Variants in PDCD6IP observed in about 807,000 individuals in gnomAD.
PDCD6IP encodes the protein programmed cell death 6 interacting protein.
In PDCD6IP, 43 loss-of-function variants were observed where a neutral mutation model predicts 103.7. The observed-to-expected ratio is 0.41, with a 90% CI of 0.32 to 0.53. The LOEUF (loss-of-function observed/expected upper bound fraction) is 0.53, where lower values mean the gene tolerates loss of function less well. Among genes scored for constraint, PDCD6IP ranks in the 20% least tolerant of loss-of-function variants. The probability of loss-of-function intolerance (pLI) is 0.16; values close to 1 mark genes in which losing one functional copy is unlikely to be tolerated. For missense variants in PDCD6IP, 871 were observed against 1,036.7 expected, an observed-to-expected ratio of 0.84 and a Z score of 2.20; for synonymous variants, 354 against 378.7, an observed-to-expected ratio of 0.93 and a Z score of 0.76.
intron 5 of PDCD6IP, among the ~76,000 whole-genome samples, 165 bp from the exon 6 acceptor site, chr3:33,826,315 A>T (rs915663908): frequency 6.6e-6 from 1 of 152,106 alleles, no homozygotes; most frequent in East Asian, 1.9e-4. Flanking sequence ...ACTGCTGGCA[A>T]CCACTAATCT....
intron 3 of PDCD6IP, among the ~76,000 whole-genome samples, chr3:33,816,617 T>C (rs1266066263): frequency 1.3e-5 from 2 of 151,430 alleles, no homozygotes; most frequent in Admixed American, 1.3e-4. Flanking sequence ...TCAAGTCATG[T>C]AAGGTTGGAG....
intron 16 of PDCD6IP, 91 bp downstream of exon 16, chr3:33,864,220 A>T: frequency 1.3e-6 from 1 of 799,726 alleles, no homozygotes; most frequent in South Asian, 1.7e-5. Context: ...CATAGGAAGG[A>T]TCTAGTGGTT....
At chr3:33,864,594 C>CT (rs894131507) in intron 16 of PDCD6IP, among the ~76,000 whole-genome samples, 1 of 151,980 alleles carries the variant, frequency 6.6e-6, no homozygotes, top group African/African-American at 2.4e-5. Flanking sequence ...GCTATATGAG[C>CT]TTTTTTGTGT....
chr3:33,862,201 T>A (rs1380031170), intron 15 of PDCD6IP, among the ~76,000 whole-genome samples: 2 of 151,860 alleles, frequency 1.3e-5, no homozygotes, highest in Admixed American at 6.5e-5. Context: ...ATTAAAAACT[T>A]ATTTATTTTA....
Position 33,798,653 on chromosome 3 carries a change from C to A in PDCD6IP, c.-76C>A. 7.4e-7 allele frequency: 1 copy of A among 1,345,014 alleles called. No homozygotes were observed. The highest frequency in any genetic ancestry group is 1.0e-6 in the Non-Finnish European group (1 of 994,898). 83.3% of individuals were successfully genotyped at this position (1,345,014 alleles called of 1,614,324 possible). ...CCAGTCAGTCCGCCAGTCCGCCAGCCCAGTACCTCTCTCTCCTCGGCCCTC... is the reference window on the plus strand; with the variant it reads ...CCAGTCAGTCCGCCAGTCCGCCAGCACAGTACCTCTCTCTCCTCGGCCCTC... On this transcript the variant is annotated 5_prime_UTR_variant, in exon 1 of 18. Transcript: ENST00000307296.
intron 2 of PDCD6IP, chr3:33,813,182 C>G (rs1161512659): frequency 6.4e-6 from 1 of 157,014 alleles, no homozygotes; most frequent in Non-Finnish European, 1.4e-5. Flanking sequence ...CTTTTGTCAT[C>G]ATGGAATAGT....
intron 7 of PDCD6IP, among the ~76,000 whole-genome samples, chr3:33,829,606 C>T (rs1196961493): frequency 6.6e-6 from 1 of 152,072 alleles, no homozygotes; most frequent in Non-Finnish European, 1.5e-5. Flanking sequence ...GCACCTGAGG[C>T]AACTTGCCAG....
Position 33,825,264 on chromosome 3 carries a change from T to G in PDCD6IP, c.540T>G (p.Ser180=), listed in dbSNP as rs1054116667. 1 of 1,613,726 alleles carries G rather than the reference T, an allele frequency of 6.2e-7. No individual in the cohort carries two copies. The highest frequency in any genetic ancestry group is 8.5e-7 in the Non-Finnish European group (1 of 1,179,798). ...ALSREPTVDI[S]PDTVGTLSLI... Reference sequence around the variant, plus strand: ...GTCGAGAGCCGACCGTGGACATATCTCCAGATACTGTTGGGACCCTCAGTC... The same window carrying G: ...GTCGAGAGCCGACCGTGGACATATCGCCAGATACTGTTGGGACCCTCAGTC... The change falls in exon 5 of 18, where the codon TCT becomes TCG. Residue 180 remains serine (S), a synonymous_variant. Coordinates refer to ENST00000307296, the MANE Select transcript of PDCD6IP (RefSeq NM_013374.6).
chr3:33,816,082 C>T lies in PDCD6IP; in HGVS notation c.334+2454C>T, dbSNP rs1163917374. Among the ~76,000 whole-genome samples the T allele has an allele frequency of 3.9e-5, 6 of 152,032 alleles. No homozygotes were observed. In the East Asian group the frequency reaches 1.2e-3, roughly 29 times the overall value. ...CAAAGGTGATGTGGTCCAGTGGTTCCCAAACCTGGCTGCGTATTAGTATTA... is the reference window on the plus strand; with the variant it reads ...CAAAGGTGATGTGGTCCAGTGGTTCTCAAACCTGGCTGCGTATTAGTATTA... On this transcript the variant is annotated intron_variant, in intron 3 of 17. Transcript: ENST00000307296.
chr3:33,838,076 C>T (rs1434817968), intron 8 of PDCD6IP, 128 bp from the exon 9 acceptor site: 5 of 822,306 alleles, frequency 6.1e-6, no homozygotes, highest in Non-Finnish European at 7.7e-6. Context: ...TAGTTTTGAT[C>T]TTTAAATGTC....
intron 15 of PDCD6IP, among the ~76,000 whole-genome samples, chr3:33,857,095 G>T (rs1280601258): frequency 6.6e-6 from 1 of 152,038 alleles, no homozygotes; most frequent in Non-Finnish European, 1.5e-5. Context: ...CTAACAAAGA[G>T]CAGGTTAGTT....
chr3:33,851,087 A>G (rs1575938833), intron 12 of PDCD6IP, among the ~76,000 whole-genome samples: 3 of 152,300 alleles, frequency 2.0e-5, no homozygotes, highest in East Asian at 1.9e-4. Context: ...GGACATTCCT[A>G]TCAAGGAGCT....
chr3:33,829,484 C>CAT (rs60580027), intron 7 of PDCD6IP, among the ~76,000 whole-genome samples: 20,532 of 149,966 alleles, frequency 0.14, 1,716 homozygotes, highest in East Asian at 0.37. Flanking sequence ...GATGTGTGTG[C>CAT]ATATATATAT....
At chr3:33,843,289 C>G (rs989752179) in intron 10 of PDCD6IP, among the ~76,000 whole-genome samples, 5 of 152,148 alleles carry the variant, frequency 3.3e-5, no homozygotes, top group Admixed American at 2.0e-4. Context: ...TGCTTTTGAT[C>G]TGACCTCTCA....
At chr3:33,806,597 C>T (rs568444365) in intron 1 of PDCD6IP, among the ~76,000 whole-genome samples, 4 of 152,356 alleles carry the variant, frequency 2.6e-5, no homozygotes, top group Admixed American at 6.5e-5. Flanking sequence ...AGCATACTGG[C>T]TTTCCCTGTG....
rs1314295642 is a variant in PDCD6IP at position 33,868,618 on chromosome 3, A to G, written c.*2093A>G. ...AATCACCTGTGTCTGGGCACAGACA[A>G]TCACAATAAATGCAGCCCTTTATTA... On this transcript the variant is annotated 3_prime_UTR_variant, in exon 18 of 18. Transcript: ENST00000307296. 1.3e-5 allele frequency: 2 copies of G among 152,278 alleles called. No homozygotes were observed. Among genetic ancestry groups the G allele is most frequent in the African/African-American group, 4.8e-5 (2 of 41,448 alleles). The allele number at this position is 152,278 out of a possible 1,614,324, so 9.4% of individuals were successfully genotyped here.
In PDCD6IP at chr3:33,867,933, T is replaced by C. The variant is rs1465610216; in HGVS notation, c.*1408T>C. On this transcript the variant is annotated 3_prime_UTR_variant, in exon 18 of 18. Coordinates refer to ENST00000307296, the MANE Select transcript of PDCD6IP (RefSeq NM_013374.6). ...TGAGTTTGGATTTATATTTTAAATG[T>C]TCGAATGAAAGTATGATTGTAAAAG... 6.6e-6 allele frequency: 1 copy of C among 152,226 alleles called. No homozygotes were observed. The highest frequency in any genetic ancestry group is 1.5e-5 in the Non-Finnish European group (1 of 68,034). The allele number at this position is 152,226 out of a possible 1,614,324, so 9.4% of individuals were successfully genotyped here. A position where few individuals can be genotyped will look rare whatever the true frequency, so the allele number is the denominator to read the frequency against.
intron 1 of PDCD6IP, chr3:33,799,236 T>A: frequency 2.8e-6 from 1 of 355,994 alleles, no homozygotes; most frequent in East Asian, 4.1e-5. Context: ...TTGCCACATT[T>A]ACTTAGAACT....
intron 8 of PDCD6IP, among the ~76,000 whole-genome samples, chr3:33,836,692 CAAA>C (rs199714705): frequency 1.6e-5 from 2 of 125,366 alleles, no homozygotes; most frequent in Non-Finnish European, 3.5e-5. Flanking sequence ...CTGTCTCTAC[CAAA>C]AAAAAAAAAA....
Sources: gnomAD v4.1 joint callset for allele counts (sites outside exome capture counted in the v4.1 genomes callset) on GRCh38, gnomAD v4.1.1 for gene constraint, MANE v1.5 for transcripts, NCBI Gene and HGNC (gene_info 2026-07-23, HGNC 2026-07-21) for gene names.